PPP6C: variants seen among roughly 807,000 people sequenced by gnomAD.
The protein encoded by PPP6C is serine/threonine-protein phosphatase 6 catalytic subunit.
A neutral mutation model predicts 39.8 loss-of-function variants in PPP6C; 11 were observed. The ratio of observed to expected loss-of-function variants is 0.28; its 90% CI spans 0.17 to 0.46. The LOEUF (loss-of-function observed/expected upper bound fraction) is 0.46, where lower values mean the gene tolerates loss of function less well. Ranked by LOEUF, PPP6C falls within the 20% of genes least tolerant of loss-of-function variation. The pLI is 1.00. For synonymous variants in PPP6C, 129 were observed against 130.3 expected, an observed-to-expected ratio of 0.99 and a Z score of 0.07; for missense variants, 211 against 373.9, an observed-to-expected ratio of 0.56 and a Z score of 3.59.
chr9:125,153,044 G>A (rs939604890), intron 6 of PPP6C, among the ~76,000 whole-genome samples: 3 of 151,908 alleles, frequency 2.0e-5, no homozygotes, highest in Non-Finnish European at 4.4e-5. Context: ...AGGCTGAGGC[G>A]GGTGGATCAC....
chr9:125,188,875 A>G lies in PPP6C; in HGVS notation c.75+769T>C. 3.4e-6 allele frequency: 5 copies of G among 1,470,012 alleles called. No homozygotes were observed. In the South Asian group the frequency reaches 3.8e-5, roughly 11 times the overall value. 91.1% of individuals were successfully genotyped at this position (1,470,012 alleles called of 1,614,324 possible). A position where few individuals can be genotyped will look rare whatever the true frequency, so the allele number is the denominator to read the frequency against. On this transcript the variant is annotated intron_variant, in intron 1 of 6. Coordinates refer to ENST00000373547, the MANE Select transcript of PPP6C (RefSeq NM_002721.5). ...ACCAAAGTCATTCCTTTACCCATAC[A>G]TACATTTACTCTTACTTGGACTCAG...
chr9:125,172,720 A>AACACACACACACACACAC (rs72238242), intron 1 of PPP6C, among the ~76,000 whole-genome samples: 3 of 144,786 alleles, frequency 2.1e-5, no homozygotes, highest in Admixed American at 6.9e-5. Context: ...AATACACACA[A>AACACACACACACACACAC]ACACACACAC....
rs149535187 is a variant in PPP6C, at chr9:125,163,219, T to C, written c.172-2313A>G. Among the ~76,000 whole-genome samples, 135 of 152,100 alleles carry C rather than the reference T, an allele frequency of 8.9e-4. 3 individuals carry two copies. The East Asian group carries it at 0.025, about 28-fold the overall frequency. ...TGAATAAAAATTATGACGAAAACCA[T>C]GTAGCAAAATGCAAAAATCATTAGG... On this transcript the variant is annotated intron_variant, in intron 2 of 6. Transcript: ENST00000373547.
rs185559417 is a variant in PPP6C, at chr9:125,151,369, T to C, written c.670-1448A>G. ...TCTCAGCTGGAGTCACCAAAGTTTA[T>C]GCTATCTTGACTCACAGAATCTTCT... On this transcript the variant is annotated intron_variant, in intron 6 of 6. Coordinates refer to ENST00000373547, the MANE Select transcript of PPP6C (RefSeq NM_002721.5). 1.1e-4 allele frequency: 127 copies of C among 1,156,946 alleles called. 1 individual carries two copies. In the Admixed American group the frequency reaches 2.1e-3, roughly 19 times the overall value. 71.7% of individuals were successfully genotyped at this position (1,156,946 alleles called of 1,614,324 possible). A position where few individuals can be genotyped will look rare whatever the true frequency, so the allele number is the denominator to read the frequency against.
intron 1 of PPP6C, 144 bp from the exon 2 acceptor site, chr9:125,171,324 G>T: frequency 5.0e-6 from 3 of 599,218 alleles, no homozygotes; most frequent in Admixed American, 3.9e-5. Context: ...ATAATTCGGG[G>T]GTTGGATTTC....
chr9:125,165,556 T>A (rs1191861961), intron 2 of PPP6C, among the ~76,000 whole-genome samples: 2 of 90,236 alleles, frequency 2.2e-5, no homozygotes, highest in African/African-American at 6.4e-5. Flanking sequence ...AAATAGAACA[T>A]GGCTAGTCTT....
intron 1 of PPP6C, among the ~76,000 whole-genome samples, chr9:125,173,954 A>G (rs1313384804): frequency 2.0e-5 from 3 of 152,190 alleles, no homozygotes; most frequent in Non-Finnish European, 4.4e-5. Context: ...AAATGTTTGC[A>G]CTTCAAAAAT....
intron 1 of PPP6C, among the ~76,000 whole-genome samples, chr9:125,171,476 C>CATGT (rs1171225348): frequency 8.7e-5 from 5 of 57,182 alleles, no homozygotes; most frequent in Non-Finnish European, 1.5e-4. Context: ...CACACACACA[C>CATGT]ACATATATAT....
At chr9:125,151,901 T>C (rs1835956729) in intron 6 of PPP6C, among the ~76,000 whole-genome samples, 1 of 152,224 alleles carries the variant, frequency 6.6e-6, no homozygotes, top group South Asian at 2.1e-4. Context: ...TGACTGTGAC[T>C]GGAGAAGCTC....
chr9:125,189,524 C>T (rs770369734), intron 1 of PPP6C, 120 bp downstream of exon 1: 1 of 1,511,644 alleles, frequency 6.6e-7, no homozygotes, highest in Admixed American at 2.4e-5. Flanking sequence ...GGTCGACTGG[C>T]AATGGGGGAG....
chr9:125,160,074 G>A (rs1424517417), intron 3 of PPP6C, among the ~76,000 whole-genome samples: 8 of 151,658 alleles, frequency 5.3e-5, no homozygotes, highest in Non-Finnish European at 1.2e-4. Flanking sequence ...GAAAATGAGA[G>A]AAGGATCCAG....
chr9:125,167,111 CG>C (rs1564151993), intron 2 of PPP6C, among the ~76,000 whole-genome samples: 1 of 151,592 alleles, frequency 6.6e-6, no homozygotes, highest in East Asian at 1.9e-4. Flanking sequence ...CCAGGTGCAG[CG>C]GCTCACACCT....
At chr9:125,164,863 C>T (rs1393243154) in intron 2 of PPP6C, among the ~76,000 whole-genome samples, 3 of 152,144 alleles carry the variant, frequency 2.0e-5, no homozygotes, top group Non-Finnish European at 2.9e-5. Context: ...CTCAGCCTCC[C>T]GAGTAGCTGG....
intron 3 of PPP6C, among the ~76,000 whole-genome samples, chr9:125,159,966 A>G (rs1279215510): frequency 2.0e-5 from 3 of 152,096 alleles, no homozygotes; most frequent in African/African-American, 7.2e-5. Flanking sequence ...AGGTTGCAGT[A>G]AGCCAATCGC....
At chr9:125,188,468 A>C (rs375057671) in intron 1 of PPP6C, among the ~76,000 whole-genome samples, 5 of 151,890 alleles carry the variant, frequency 3.3e-5, no homozygotes, top group Admixed American at 2.6e-4. Flanking sequence ...ATTTCAGCAA[A>C]TGCATAGAAA....
At chr9:125,171,550 G>GT (rs564903539) in intron 1 of PPP6C, among the ~76,000 whole-genome samples, 1 of 136,742 alleles carries the variant, frequency 7.3e-6, no homozygotes, top group South Asian at 2.3e-4. Context: ...AGGTTTTTGG[G>GT]TTTTTTTGTT....
chr9:125,180,617 C>T (rs567889318), intron 1 of PPP6C, among the ~76,000 whole-genome samples: 17 of 152,276 alleles, frequency 1.1e-4, no homozygotes, highest in African/African-American at 3.4e-4. Flanking sequence ...GACAGGGTTT[C>T]GCCATGTTGG....
rs1206005574 is a variant in PPP6C at position 125,160,823 on chromosome 9, T to C, written c.237+18A>G. ...TTCCATTTTAAACAAGCACTTGATA[T>C]CACTGGTGTTTACATACCATAAATA... On this transcript the variant is annotated intron_variant, in intron 3 of 6. Transcript: ENST00000373547. 2.0e-6 allele frequency: 3 copies of C among 1,524,162 alleles called. No individual in the cohort carries two copies. The highest frequency in any genetic ancestry group is 2.7e-6 in the Non-Finnish European group (3 of 1,124,806). The allele number at this position is 1,524,162 out of a possible 1,614,324, so 94.4% of individuals were successfully genotyped here.
intron 3 of PPP6C, among the ~76,000 whole-genome samples, chr9:125,158,614 T>C (rs1442735509): frequency 2.0e-5 from 3 of 152,086 alleles, no homozygotes; most frequent in Non-Finnish European, 4.4e-5. Flanking sequence ...GAATCTGCTG[T>C]GCCATTCTCT....
Sources: allele counts gnomAD v4.1 joint callset (sites outside exome capture counted in the v4.1 genomes callset), GRCh38; gene constraint gnomAD v4.1.1; transcripts MANE v1.5; gene names NCBI Gene and HGNC (gene_info 2026-07-23, HGNC 2026-07-21).